Variants in EPN3 observed in about 807,000 individuals in gnomAD.
EPN3 encodes epsin 3, also known as epsin-3.
In EPN3, 56 loss-of-function variants were observed where a neutral mutation model predicts 55.5. The ratio of observed to expected loss-of-function variants is 1.01; its 90% CI spans 0.81 to 1.26. EPN3 has a LOEUF of 1.26. EPN3 is among the 50% of genes most tolerant of loss of function. EPN3 has a pLI of 0.00. For synonymous variants in EPN3, 449 were observed against 375.2 expected (o/e 1.20, Z -2.27); for missense variants, 927 against 853.4 (o/e 1.09, Z -1.07).
rs1035916689 is a variant in EPN3 at position 50,541,901 on chromosome 17, C to G, written c.1643C>G (p.Thr548Arg). 2.5e-6 allele frequency: 4 copies of G among 1,605,446 alleles called. No individual in the cohort carries two copies. In the Admixed American group the frequency reaches 6.7e-5, roughly 27 times the overall value. The change falls in exon 10 of 10, where the codon ACG becomes AGG. Residue 548 changes from threonine to arginine, a missense_variant. Transcript: ENST00000268933. ...PFGAGEPGRP[T>R]LNQMRTGSPA... ...GGCGCGGGCGAGCCGGGCAGGCCGA[C>G]GCTAAACCAGATGCGCACCGGCTCG...
Position 50,541,570 on chromosome 17 carries a change from C to G in EPN3, c.1461C>G (p.Ser487Arg), listed in dbSNP as rs201917992. 1.3e-4 allele frequency: 202 copies of G among 1,614,222 alleles called. 1 individual carries two copies. In the Middle Eastern group the frequency reaches 1.5e-3, roughly 12 times the overall value. ...GILGEALTQP[S>R]KEARACRTPE... ...TAGGGGAAGCACTAACCCAGCCAAG[C>G]AAAGAGGCCCGAGCTTGCCGGACTC... Residue 487 changes from serine to arginine, a missense_variant, in exon 9 of 10, where the codon AGC becomes AGG. Coordinates refer to ENST00000268933, the MANE Select transcript of EPN3 (RefSeq NM_017957.3).
At chr17:50,540,681 C>A in intron 6 of EPN3, 112 bp from the exon 7 acceptor site, 1 of 1,385,218 alleles carries the variant, frequency 7.2e-7, no homozygotes, top group Non-Finnish European at 9.8e-7. Context: ...AGGCTGCAGG[C>A]CATCTGTGAC....
intron 5 of EPN3, 130 bp downstream of exon 5, chr17:50,539,445 G>A (rs1015453518): frequency 2.2e-6 from 3 of 1,360,934 alleles, no homozygotes; most frequent in Non-Finnish European, 3.0e-6. Flanking sequence ...AATAGGGGTG[G>A]GGGTGTAGCA....
At chr17:50,539,544 G>A (rs1274772270) in intron 5 of EPN3, among the ~76,000 whole-genome samples, 1 of 152,208 alleles carries the variant, frequency 6.6e-6, no homozygotes, top group African/African-American at 2.4e-5. Context: ...CCGGATTCGG[G>A]TTCTGGATTT....
At chr17:50,538,772 A>G in intron 3 of EPN3, 112 bp from the exon 4 acceptor site, 1 of 749,492 alleles carries the variant, frequency 1.3e-6, no homozygotes, top group Admixed American at 3.3e-5. Flanking sequence ...GCCCATGCAC[A>G]CTGAGGGTGG....
At chr17:50,537,798 A>G in intron 2 of EPN3, 1 of 414,634 alleles carries the variant, frequency 2.4e-6, no homozygotes, top group Non-Finnish European at 4.3e-6. Context: ...CAAGAGCTGG[A>G]GTCAGGGCAC....
At chr17:50,533,576 A>G (rs757413) in intron 1 of EPN3, among the ~76,000 whole-genome samples, 122,886 of 152,060 alleles carry the variant, frequency 0.81, 50,353 homozygotes, top group African/African-American at 0.94. Context: ...GGTTCTCTCC[A>G]TCTCTCCGAA....
rs374373577 is a variant in EPN3 at position 50,536,514 on chromosome 17, C to T, written c.-43C>T. The stretch of plus-strand genomic sequence containing the variant: ...CGCCACAGTGGCCCTCAGCCCTCCA[C>T]CTCCGGCGGGGGCGAGGGCCACCCA... On this transcript the variant is annotated 5_prime_UTR_variant, in exon 2 of 10. Transcript: ENST00000268933. 16 of 1,611,438 alleles carry T rather than the reference C, an allele frequency of 9.9e-6. No individual in the cohort carries two copies. Among genetic ancestry groups the T allele is most frequent in the East Asian group, 2.2e-5 (1 of 44,770 alleles).
chr17:50,542,148 C>T lies in EPN3; in HGVS notation c.1890C>T (p.Pro630=). The T allele has an allele frequency of 1.3e-6, 2 of 1,502,648 alleles. No homozygotes were observed. The highest frequency in any genetic ancestry group is 1.8e-6 in the Non-Finnish European group (2 of 1,134,454). The allele number at this position is 1,502,648 out of a possible 1,614,324, so 93.1% of individuals were successfully genotyped here. ...RPPPPQTGTN[P]FL is the part of the protein sequence containing the mutation. Reference sequence around the variant, plus strand: ...CGCCCCCGCAGACCGGCACCAACCCCTTCCTCTGAGCCCCGCCCCGTCCCA... The same window carrying T: ...CGCCCCCGCAGACCGGCACCAACCCTTTCCTCTGAGCCCCGCCCCGTCCCA... Residue 630 remains proline (P), a synonymous_variant, in exon 10 of 10, where the codon CCC becomes CCT. Transcript: ENST00000268933.
In EPN3 at chr17:50,542,253, A is replaced by G. The variant is rs1277129031; in HGVS notation, c.*96A>G. 2 of 1,295,546 alleles carry G rather than the reference A, an allele frequency of 1.5e-6. No homozygotes were observed. The highest frequency in any genetic ancestry group is 6.5e-5 in the East Asian group (2 of 30,904). The allele number at this position is 1,295,546 out of a possible 1,614,324, so 80.3% of individuals were successfully genotyped here. On this transcript the variant is annotated 3_prime_UTR_variant, in exon 10 of 10. Coordinates refer to ENST00000268933, the MANE Select transcript of EPN3 (RefSeq NM_017957.3). The stretch of plus-strand genomic sequence containing the variant: ...TGGGCGGGGCGCCGGTGCTAGTGGA[A>G]CGCCGAGCCAGTGGCGGCTGGTATC...
rs1485223281 is a variant in EPN3 at position 50,542,244 on chromosome 17, G to A, written c.*87G>A. 1.5e-6 allele frequency: 2 copies of A among 1,345,946 alleles called. No homozygotes were observed. Among genetic ancestry groups the A allele is most frequent in the Admixed American group, 7.7e-5 (2 of 25,886 alleles). 83.4% of individuals were successfully genotyped at this position (1,345,946 alleles called of 1,614,324 possible). A position where few individuals can be genotyped will look rare whatever the true frequency, so the allele number is the denominator to read the frequency against. ...ACCCGGGGCTGGGCGGGGCGCCGGT[G>A]CTAGTGGAACGCCGAGCCAGTGGCG... On this transcript the variant is annotated 3_prime_UTR_variant, in exon 10 of 10. Transcript: ENST00000268933.
Position 50,542,585 on chromosome 17 carries a change from CATTT to C in EPN3, c.*431_*434del, listed in dbSNP as rs1290911371. ...TGTCACTCAATTCGGTCATTTCATT[CATTT>C]ATCACACATGGGCACTGGGGTTGGG... On this transcript the variant is annotated 3_prime_UTR_variant, in exon 10 of 10. Transcript: ENST00000268933. The C allele has an allele frequency of 4.2e-5, 8 of 191,628 alleles. No homozygotes were observed. Among genetic ancestry groups the C allele is most frequent in the Non-Finnish European group, 8.4e-5 (8 of 95,408 alleles). The allele number at this position is 191,628 out of a possible 1,614,324, so 11.9% of individuals were successfully genotyped here.
chr17:50,534,626 T>G (rs961158210), intron 1 of EPN3: 23 of 985,378 alleles, frequency 2.3e-5, no homozygotes, highest in Non-Finnish European at 2.8e-5. Flanking sequence ...CACGACCCGC[T>G]GGAAGGAAAG....
At position 50,537,084 on chromosome 17, in the gene EPN3, C is replaced by T. The variant is rs761838980; in HGVS notation, c.528C>T (p.Tyr176=). 5.0e-6 allele frequency: 8 copies of T among 1,609,984 alleles called. No individual in the cohort carries two copies. The Admixed American group carries it at 1.0e-4, about 20-fold the overall frequency. ...LGFSRRYGED[Y]SRSRGSPSSY... ...TCAGCCGCCGCTACGGCGAGGACTACAGCCGCTCCCGGGGCTCCCCGTCCT... is the reference window on the plus strand; with the variant it reads ...TCAGCCGCCGCTACGGCGAGGACTATAGCCGCTCCCGGGGCTCCCCGTCCT... Residue 176 remains tyrosine, a synonymous_variant, in exon 2 of 10, where the codon TAC becomes TAT. Transcript: ENST00000268933.
At chr17:50,539,060 C>A (rs2034807588) in intron 4 of EPN3, 96 bp downstream of exon 4, 2 of 1,538,102 alleles carry the variant, frequency 1.3e-6, no homozygotes, top group African/African-American at 2.7e-5. Context: ...TACCCGGTGG[C>A]CCTGCTGCTC....
intron 6 of EPN3, among the ~76,000 whole-genome samples, chr17:50,540,537 C>T (rs762657109): frequency 2.2e-5 from 2 of 92,534 alleles, no homozygotes; most frequent in African/African-American, 6.4e-5. Flanking sequence ...TCCTAGGAAA[C>T]GCAGCAAAAT....
rs528825208 is a variant in EPN3, at chr17:50,536,561, C to T, written c.5C>T (p.Thr2Met). Reference sequence around the variant, plus strand: ...CCCACCTCCAAGTCTCCAGCCATGACGACCTCCGCACTCCGGCGCCAGGTG... The same window carrying T: ...CCCACCTCCAAGTCTCCAGCCATGATGACCTCCGCACTCCGGCGCCAGGTG... The part of the protein sequence containing the change: M[T>M]TSALRRQVKN... The change falls in exon 2 of 10, where the codon ACG becomes ATG. Residue 2 changes from threonine to methionine, a missense_variant. Physicochemically the swap from Thr to Met is moderately conservative, Grantham distance 81. Transcript: ENST00000268933. 9 of 1,613,684 alleles carry T rather than the reference C, an allele frequency of 5.6e-6. No homozygotes were observed. The highest frequency in any genetic ancestry group is 4.0e-5 in the African/African-American group (3 of 74,914).
chr17:50,532,969 G>A lies in EPN3; in HGVS notation c.-153G>A, dbSNP rs1375964355. On this transcript the variant is annotated 5_prime_UTR_variant, in exon 1 of 10. Transcript: ENST00000268933. ...CTACTCGGGCTGGGGCTGGGGCCGA[G>A]GGAGCCCGCACTGGAGGTAAGCTTC... is the stretch of plus-strand genomic sequence containing the variant. The A allele has an allele frequency of 7.8e-7, 1 of 1,285,280 alleles. No homozygotes were observed. 79.6% of individuals were successfully genotyped at this position (1,285,280 alleles called of 1,614,324 possible). A position where few individuals can be genotyped will look rare whatever the true frequency, so the allele number is the denominator to read the frequency against.
chr17:50,539,147 G>A, intron 4 of EPN3, 40 bp from the exon 5 acceptor site: 1 of 1,611,526 alleles, frequency 6.2e-7, no homozygotes, highest in South Asian at 1.1e-5. Context: ...ATTCCCGCCT[G>A]AGCTGCTCAT....
Sources: gnomAD v4.1 joint callset for allele counts (sites outside exome capture counted in the v4.1 genomes callset) on GRCh38, gnomAD v4.1.1 for gene constraint, MANE v1.5 for transcripts, NCBI Gene and HGNC (gene_info 2026-07-23, HGNC 2026-07-21) for gene names.